Variants in MYO9B observed in about 807,000 individuals in gnomAD.
MYO9B encodes the protein unconventional myosin-IXb.
Under a neutral mutation model 229.5 loss-of-function variants are expected in MYO9B, and 71 were observed. That is an observed-to-expected ratio of 0.31 (90% CI 0.26 to 0.38). The LOEUF is 0.38. Among genes scored for constraint, MYO9B ranks in the 10% least tolerant of loss-of-function variants. The pLI is 1.00. For synonymous variants in MYO9B, 1,185 were observed against 1,235.8 expected, an observed-to-expected ratio of 0.96 and a Z score of 0.86; for missense variants, 2,255 against 2,920.5, an observed-to-expected ratio of 0.77 and a Z score of 5.25.
Position 17,102,242 on chromosome 19 carries a change from C to A in MYO9B, c.525C>A (p.Ile175=). 6.2e-7 allele frequency: 1 copy of A among 1,614,044 alleles called. No homozygotes were observed. Among genetic ancestry groups the A allele is most frequent in the Non-Finnish European group, 8.5e-7 (1 of 1,179,890 alleles). The change falls in exon 2 of 40, where the codon ATC becomes ATA. Residue 175 remains isoleucine (I), a synonymous_variant. Coordinates refer to ENST00000682292, the MANE Select transcript of MYO9B (RefSeq NM_004145.4). The part of the protein sequence containing the change: ...NLKHRFLQQK[I]YTYAGSILVA... ...AGCACCGCTTCCTGCAACAAAAGAT[C>A]TACACGTACGCGGGGAGCATCCTGG...
chr19:17,128,611 C>A (rs372057403), intron 2 of MYO9B, among the ~76,000 whole-genome samples: 12 of 152,312 alleles, frequency 7.9e-5, no homozygotes, highest in African/African-American at 2.6e-4. Context: ...ATGTGGCCTC[C>A]GCCTACCGGC....
chr19:17,145,404 G>C lies in MYO9B; in HGVS notation c.848G>C (p.Gly283Ala). Residue 283 changes from glycine (G) to alanine (A), a missense_variant, in exon 3 of 40, where the codon GGA (glycine) becomes GCA (alanine). Around this residue, in one of 7 missense-constraint regions of MYO9B, gnomAD observed 386 missense variants for 515.2 expected, o/e 0.75. Coordinates refer to ENST00000682292, the MANE Select transcript of MYO9B (RefSeq NM_004145.4). ...CTTTTGATTTCCTTGCAGGCTTTTG[G>C]AAATGCCAAGACAGCCCACAACAAC... is the stretch of plus-strand genomic sequence containing the variant. ...LGAGPVLEAF[G>A]NAKTAHNNNS... The C allele has an allele frequency of 6.2e-7, 1 of 1,613,898 alleles. No individual in the cohort carries two copies. Among genetic ancestry groups the C allele is most frequent in the African/African-American group, 1.3e-5 (1 of 75,052 alleles).
chr19:17,137,639 G>A lies in MYO9B; in HGVS notation c.841-7758G>A, dbSNP rs187427308. The stretch of plus-strand genomic sequence containing the variant: ...GCCAGCTCCTTGAGTAGTGTGACCC[G>A]CACATGGGTCCAGCCACAGCAACTG... On this transcript the variant is annotated intron_variant, in intron 2 of 39. Transcript: ENST00000682292. 2.3e-3 allele frequency among the ~76,000 whole-genome samples: 347 copies of A among 152,288 alleles called. 1 individual carries two copies. The highest frequency in any genetic ancestry group is 4.3e-3 in the Non-Finnish European group (290 of 68,022).
chr19:17,076,110 G>C (rs2057480477), intron 1 of MYO9B, among the ~76,000 whole-genome samples: 1 of 150,220 alleles, frequency 6.7e-6, no homozygotes, highest in African/African-American at 2.5e-5. Flanking sequence ...TGGGGGGGGT[G>C]AGTCTTGTGG....
chr19:17,208,676 C>T (rs954620232), intron 35 of MYO9B, among the ~76,000 whole-genome samples: 5 of 152,074 alleles, frequency 3.3e-5, no homozygotes, highest in African/African-American at 9.7e-5. Flanking sequence ...TGTGATCCGC[C>T]GTGAGCCACC....
chr19:17,103,078 G>A (rs904492024), intron 2 of MYO9B, among the ~76,000 whole-genome samples: 5 of 147,690 alleles, frequency 3.4e-5, no homozygotes, highest in East Asian at 4.0e-4. Context: ...AAAGATTACC[G>A]AAGTGCGGTG....
At chr19:17,194,105 G>C (rs1282805848) in intron 21 of MYO9B, among the ~76,000 whole-genome samples, 1 of 152,114 alleles carries the variant, frequency 6.6e-6, no homozygotes, top group Non-Finnish European at 1.5e-5. Flanking sequence ...CCGGGAGGCA[G>C]AGGTCGCAGC....
At chr19:17,084,263 G>A (rs891243353) in intron 1 of MYO9B, among the ~76,000 whole-genome samples, 10 of 151,820 alleles carry the variant, frequency 6.6e-5, no homozygotes, top group African/African-American at 2.4e-4. Context: ...ACTTGAGCCT[G>A]GGAGGTTGAG....
At chr19:17,117,200 C>T (rs973207973) in intron 2 of MYO9B, among the ~76,000 whole-genome samples, 6 of 152,142 alleles carry the variant, frequency 3.9e-5, no homozygotes, top group Admixed American at 1.3e-4. Flanking sequence ...ATGTTTGGGG[C>T]GGGAGTGTGG....
intron 32 of MYO9B, 22 bp from the exon 33 acceptor site, chr19:17,206,226 A>ATC: frequency 3.1e-6 from 2 of 654,252 alleles, no homozygotes; most frequent in Non-Finnish European, 5.1e-6. Context: ...CGCTCACCAG[A>ATC]CCCACCCCAC....
rs2057753595 is a variant in MYO9B, at chr19:17,102,384, T to C, written c.667T>C (p.Tyr223His). The C allele has an allele frequency of 6.2e-7, 1 of 1,613,898 alleles. No individual in the cohort carries two copies. Among genetic ancestry groups the C allele is most frequent in the African/African-American group, 1.3e-5 (1 of 74,926 alleles). The change falls in exon 2 of 40, where the codon TAC (tyrosine) becomes CAC (histidine). Residue 223 changes from tyrosine to histidine, a missense_variant. By Grantham distance (83) the Tyr-to-His change is moderately conservative. Coordinates refer to ENST00000682292, the MANE Select transcript of MYO9B (RefSeq NM_004145.4). ...CGTCTTCGCGCTGGCCGACGTGGCCTACTACACCATGCTCAGGAAGCGCGT... is the reference window on the plus strand; with the variant it reads ...CGTCTTCGCGCTGGCCGACGTGGCCCACTACACCATGCTCAGGAAGCGCGT... ...PHVFALADVA[Y>H]YTMLRKRVNQ...
intron 1 of MYO9B, among the ~76,000 whole-genome samples, chr19:17,076,592 CTCCCCTCTTGATTCGTG>C (rs1372612073): frequency 6.6e-6 from 1 of 152,084 alleles, no homozygotes; most frequent in Non-Finnish European, 1.5e-5. Context: ...TCCCCCCACC[CTCCCCTCTTGATTCGTG>C]TCCCTCCTGA....
chr19:17,159,853 T>C (rs2072578753), intron 8 of MYO9B, among the ~76,000 whole-genome samples: 1 of 152,222 alleles, frequency 6.6e-6, no homozygotes, highest in Non-Finnish European at 1.5e-5. Context: ...TTTGGAGCCA[T>C]AGCAGCTAAG....
At chr19:17,107,483 C>T (rs1033011670) in intron 2 of MYO9B, among the ~76,000 whole-genome samples, 2 of 152,202 alleles carry the variant, frequency 1.3e-5, no homozygotes, top group African/African-American at 2.4e-5. Flanking sequence ...CACTAGGACC[C>T]TCCAGGGCGT....
At chr19:17,190,980 T>A in intron 19 of MYO9B, 117 bp from the exon 20 acceptor site, 1 of 1,108,728 alleles carries the variant, frequency 9.0e-7, no homozygotes, top group South Asian at 1.6e-5. Context: ...TTTAGATTTG[T>A]CATTACCATT....
chr19:17,151,690 G>A (rs944731118), intron 3 of MYO9B, among the ~76,000 whole-genome samples: 7 of 152,200 alleles, frequency 4.6e-5, no homozygotes, highest in East Asian at 1.9e-4. Context: ...GCTGAGACAC[G>A]TAGATCACTT....
At chr19:17,144,441 C>CA (rs11435266) in intron 2 of MYO9B, among the ~76,000 whole-genome samples, 37,088 of 147,726 alleles carry the variant, frequency 0.25, 5,254 homozygotes, top group African/African-American at 0.4. Flanking sequence ...CCCATCTCTA[C>CA]AAAAAATTAG....
At chr19:17,117,221 A>G (rs529548258) in intron 2 of MYO9B, among the ~76,000 whole-genome samples, 8 of 152,252 alleles carry the variant, frequency 5.3e-5, no homozygotes, top group Non-Finnish European at 8.8e-5. Flanking sequence ...GCAGGCATCA[A>G]TCAGCCACAG....
At position 17,194,978 on chromosome 19, in the gene MYO9B, A is replaced by C. The variant is rs760618374; in HGVS notation, c.3551A>C (p.Gln1184Pro). Residue 1184 changes from glutamine (Q) to proline (P), a missense_variant, in exon 22 of 40, where the codon CAG (glutamine) becomes CCG (proline). Physicochemically the swap from Gln to Pro is moderately conservative, Grantham distance 76 (BLOSUM62 -1). Around this residue, in one of 7 missense-constraint regions of MYO9B, gnomAD observed 679 missense variants for 770.2 expected, o/e 0.88. Coordinates refer to ENST00000682292, the MANE Select transcript of MYO9B (RefSeq NM_004145.4). Reference sequence around the variant, plus strand: ...AGAGAACCTTCCAGAAGGGTCACCCAGGAGCAAGGGGTGAGTCTCCTGGAA... The same window carrying C: ...AGAGAACCTTCCAGAAGGGTCACCCCGGAGCAAGGGGTGAGTCTCCTGGAA... ...ALREPSRRVTQEQGVSLLEDK... is the reference protein window; with the variant it reads ...ALREPSRRVTPEQGVSLLEDK... 1 of 1,613,374 alleles carries C rather than the reference A, an allele frequency of 6.2e-7. No homozygotes were observed. The highest frequency in any genetic ancestry group is 8.5e-7 in the Non-Finnish European group (1 of 1,179,892).
Sources: gnomAD v4.1 joint callset for allele counts (sites outside exome capture counted in the v4.1 genomes callset) on GRCh38, gnomAD v4.1.1 for gene constraint, gnomAD v4.1.1 regional missense constraint, MANE v1.5 for transcripts, NCBI Gene and HGNC (gene_info 2026-07-23, HGNC 2026-07-21) for gene names.